Variants in HPS5 observed in about 807,000 individuals in gnomAD.
The protein encoded by HPS5 is HPS5 biogenesis of lysosomal organelles complex 2 subunit 2.
A neutral mutation model predicts 128.0 loss-of-function variants in HPS5; 83 were observed. The ratio of observed to expected loss-of-function variants is 0.65; its 90% CI spans 0.54 to 0.78. HPS5 has a LOEUF of 0.78. Ranked by LOEUF, HPS5 falls within the 30% of genes least tolerant of loss-of-function variation. HPS5 has a pLI of 0.00. For synonymous variants in HPS5, 475 were observed against 470.2 expected (o/e 1.01, Z -0.13); for missense variants, 1,281 against 1,326.2 (o/e 0.97, Z 0.53).
chr11:18,311,836 T>C (rs1277393671), intron 3 of HPS5, 78 bp downstream of exon 3: 6 of 1,012,092 alleles, frequency 5.9e-6, no homozygotes, highest in South Asian at 3.8e-5. Context: ...TTATTCCAAA[T>C]GATTATTTAT....
intron 18 of HPS5, among the ~76,000 whole-genome samples, chr11:18,287,254 T>G (rs1255329734): frequency 6.6e-6 from 1 of 152,136 alleles, no homozygotes; most frequent in African/African-American, 2.4e-5. Flanking sequence ...GCAAAGACAA[T>G]AAGAAGCTTA....
At chr11:18,301,258 C>A (rs904981374) in intron 8 of HPS5, among the ~76,000 whole-genome samples, 3 of 151,988 alleles carry the variant, frequency 2.0e-5, no homozygotes, top group African/African-American at 7.3e-5. Flanking sequence ...GAGTTTGAGA[C>A]TAGCCAGACC....
Position 18,295,162 on chromosome 11 carries a change from T to C in HPS5, c.1642A>G (p.Ser548Gly), listed in dbSNP as rs1274241030. 1.9e-6 allele frequency: 3 copies of C among 1,613,952 alleles called. No homozygotes were observed. Among genetic ancestry groups the C allele is most frequent in the South Asian group, 1.1e-5 (1 of 91,066 alleles). Residue 548 changes from serine to glycine, a missense_variant, in exon 14 of 23, where the codon AGC becomes GGC. Coordinates refer to ENST00000349215, the MANE Select transcript of HPS5 (RefSeq NM_181507.2). ...SLQAVKESVS[S>G]FVRKTTEKIG... is the part of the protein sequence containing the mutation. The stretch of plus-strand genomic sequence containing the variant: ...TTCTCAGTAGTTTTACGCACAAAGC[T>C]AGAAACACTAGAAGTCAAATAACAA...
chr11:18,306,899 C>T (rs1862436639), intron 6 of HPS5, among the ~76,000 whole-genome samples: 1 of 152,186 alleles, frequency 6.6e-6, no homozygotes, highest in South Asian at 2.1e-4. Flanking sequence ...GAGCTTAGTA[C>T]ACTGCCTGGG....
chr11:18,280,707 TAAGTAGAAAGG>T, intron 22 of HPS5: 1 of 573,006 alleles, frequency 1.7e-6, no homozygotes. Flanking sequence ...TATTCAGCCT[TAAGTAGAAAGG>T]AAATCCTGAC....
intron 8 of HPS5, among the ~76,000 whole-genome samples, chr11:18,303,589 A>G (rs1453680464): frequency 1.3e-5 from 2 of 152,198 alleles, no homozygotes; most frequent in African/African-American, 4.8e-5. Context: ...CGACTACTAG[A>G]AAACATATTC....
chr11:18,295,884 T>C lies in HPS5; in HGVS notation c.1634+115A>G, dbSNP rs186141226. ...GTTAATAGCTCCATATGACAAGTTA[T>C]ATGGAAAACAAGAGACTTCCTTTTT... On this transcript the variant is annotated intron_variant, in intron 13 of 22. Transcript: ENST00000349215. 1.1e-4 allele frequency: 121 copies of C among 1,124,672 alleles called. No homozygotes were observed. In the African/African-American group the frequency reaches 1.6e-3, roughly 15 times the overall value. The allele number at this position is 1,124,672 out of a possible 1,614,324, so 69.7% of individuals were successfully genotyped here. A position where few individuals can be genotyped will look rare whatever the true frequency, so the allele number is the denominator to read the frequency against.
chr11:18,304,468 G>A lies in HPS5; in HGVS notation c.896+954C>T, dbSNP rs528630789. On this transcript the variant is annotated intron_variant, in intron 8 of 22. Coordinates refer to ENST00000349215, the MANE Select transcript of HPS5 (RefSeq NM_181507.2). ...CGACCTCAGAAGATCTGTCCGCCTCGGTCTCCCAAATTGCTGGGATTACAG... is the reference window on the plus strand; with the variant it reads ...CGACCTCAGAAGATCTGTCCGCCTCAGTCTCCCAAATTGCTGGGATTACAG... 8.5e-5 allele frequency among the ~76,000 whole-genome samples: 13 copies of A among 152,086 alleles called. No homozygotes were observed. In the East Asian group the frequency reaches 1.5e-3, roughly 18 times the overall value.
intron 2 of HPS5, 43 bp downstream of exon 2, chr11:18,317,708 G>T: frequency 1.3e-6 from 2 of 1,593,180 alleles, no homozygotes; most frequent in East Asian, 2.2e-5. Flanking sequence ...CAGTAACAGA[G>T]AGCACGTGAA....
intron 1 of HPS5, among the ~76,000 whole-genome samples, chr11:18,319,230 T>G (rs1353550423): frequency 6.7e-6 from 1 of 150,256 alleles, no homozygotes; most frequent in Non-Finnish European, 1.5e-5. Flanking sequence ...TCAGTCAGTT[T>G]ATAATACGGA....
chr11:18,311,894 A>G lies in HPS5; in HGVS notation c.219+20T>C. On this transcript the variant is annotated intron_variant, in intron 3 of 22. Coordinates refer to ENST00000349215, the MANE Select transcript of HPS5 (RefSeq NM_181507.2). Reference sequence around the variant, plus strand: ...AAAGAGACTCCAAATGGTGTATGACAGAGCTGCCCTTAATCTTACCCTGTG... The same window carrying G: ...AAAGAGACTCCAAATGGTGTATGACGGAGCTGCCCTTAATCTTACCCTGTG... The G allele has an allele frequency of 6.9e-7, 1 of 1,440,676 alleles. No homozygotes were observed. The highest frequency in any genetic ancestry group is 9.8e-7 in the Non-Finnish European group (1 of 1,021,506). The allele number at this position is 1,440,676 out of a possible 1,614,324, so 89.2% of individuals were successfully genotyped here. A position where few individuals can be genotyped will look rare whatever the true frequency, so the allele number is the denominator to read the frequency against.
At chr11:18,297,422 G>T in intron 11 of HPS5, 137 bp downstream of exon 11, 1 of 744,948 alleles carries the variant, frequency 1.3e-6, no homozygotes, top group Non-Finnish European at 2.3e-6. Context: ...GCCACTAGCT[G>T]AACAAAAGTT....
At chr11:18,309,478 C>A (rs573887008) in intron 5 of HPS5, among the ~76,000 whole-genome samples, 1 of 152,148 alleles carries the variant, frequency 6.6e-6, no homozygotes, top group Non-Finnish European at 1.5e-5. Context: ...CTACTATATG[C>A]CAGCCTGGGC....
At chr11:18,305,819 G>A (rs750777505) in intron 7 of HPS5, among the ~76,000 whole-genome samples, 1 of 148,452 alleles carries the variant, frequency 6.7e-6, no homozygotes, top group African/African-American at 2.5e-5. Context: ...TGCAAGCTCC[G>A]CCTCCCTTCA....
At chr11:18,307,458 A>G (rs919471272) in intron 6 of HPS5, among the ~76,000 whole-genome samples, 1 of 152,208 alleles carries the variant, frequency 6.6e-6, no homozygotes, top group Non-Finnish European at 1.5e-5. Flanking sequence ...GGGAAATAAA[A>G]TATATTTCTT....
rs747775730 is a variant in HPS5 at position 18,306,170 on chromosome 11, G to C, written c.789C>G (p.Leu263=). 1.9e-6 allele frequency: 3 copies of C among 1,613,934 alleles called. No homozygotes were observed. Among genetic ancestry groups the C allele is most frequent in the Non-Finnish European group, 2.5e-6 (3 of 1,179,812 alleles). Residue 263 remains leucine (L), a synonymous_variant, in exon 7 of 23, where the codon CTC becomes CTG. Transcript: ENST00000349215. ...EVISTHQFKK[L]LSLPPLPVIT... Reference sequence around the variant, plus strand: ...TCACAGGGAGAGGTGGCAACGAGAGGAGTTTCTTGAACTGATGTGTACTTA... The same window carrying C: ...TCACAGGGAGAGGTGGCAACGAGAGCAGTTTCTTGAACTGATGTGTACTTA...
At chr11:18,301,394 A>C (rs1861680323) in intron 8 of HPS5, among the ~76,000 whole-genome samples, 1 of 145,350 alleles carries the variant, frequency 6.9e-6, no homozygotes, top group Non-Finnish European at 1.5e-5. Flanking sequence ...CGGAGGTTGC[A>C]GTGAGCCAAG....
chr11:18,305,471 T>C lies in HPS5; in HGVS notation c.847A>G (p.Thr283Ala). 3 of 1,609,710 alleles carry C rather than the reference T, an allele frequency of 1.9e-6. No individual in the cohort carries two copies. The highest frequency in any genetic ancestry group is 2.6e-6 in the Non-Finnish European group (3 of 1,176,180). The change falls in exon 8 of 23, where the codon ACA (threonine) becomes GCA (alanine). Residue 283 changes from threonine (T) to alanine (A), a missense_variant. Transcript: ENST00000349215. The part of the protein sequence containing the change: ...TLRSEPQYDH[T>A]AGSSQSLSFP... Reference sequence around the variant, plus strand: ...GACAAAGACTGGGAGGATCCAGCTGTATGATCATACTGAGGTTCTGATCTA... The same window carrying C: ...GACAAAGACTGGGAGGATCCAGCTGCATGATCATACTGAGGTTCTGATCTA...
intron 16 of HPS5, among the ~76,000 whole-genome samples, chr11:18,290,474 C>T (rs1389968457): frequency 6.6e-6 from 1 of 152,224 alleles, no homozygotes; most frequent in Non-Finnish European, 1.5e-5. Context: ...ATATCTGCCA[C>T]ACAATAAGTA....
Sources: allele counts gnomAD v4.1 joint callset (sites outside exome capture counted in the v4.1 genomes callset), GRCh38; gene constraint gnomAD v4.1.1; transcripts MANE v1.5; gene names NCBI Gene and HGNC (gene_info 2026-07-23, HGNC 2026-07-21).